The following PRDM16 variants were observed in gnomAD, a reference collection of about 807,000 sequenced individuals.
PRDM16 encodes PR/SET domain 16, also known as histone-lysine N-methyltransferase PRDM16.
PRDM16 carries 23 observed loss-of-function variants against 110.6 expected under a neutral mutation model. The observed-to-expected ratio is 0.21, with a 90% CI of 0.15 to 0.29. The LOEUF (loss-of-function observed/expected upper bound fraction) is 0.29. Among genes scored for constraint, PRDM16 ranks in the 10% least tolerant of loss-of-function variants. The pLI, the probability that PRDM16 is intolerant of heterozygous loss-of-function variation, is 1.00. For missense variants in PRDM16, 1,615 were observed against 1,794.3 expected, an observed-to-expected ratio of 0.90 and a Z score of 1.81; for synonymous variants, 799 against 781.8, an observed-to-expected ratio of 1.02 and a Z score of -0.37.
chr1:3,125,036 C>T (rs960203942), intron 1 of PRDM16, among the ~76,000 whole-genome samples: 2 of 152,252 alleles, frequency 1.3e-5, no homozygotes, highest in African/African-American at 2.4e-5. Context: ...GGGCTCTTTG[C>T]ATGTCTCTGG....
intron 16 of PRDM16, among the ~76,000 whole-genome samples, chr1:3,432,452 C>T (rs892971003): frequency 2.0e-5 from 3 of 152,202 alleles, no homozygotes; most frequent in Admixed American, 6.5e-5. Context: ...GCCCGCCCAG[C>T]CGCCTTCGTC....
In PRDM16 at chr1:3,284,975, C is replaced by T. The variant is rs115433762; in HGVS notation, c.438+40838C>T. Reference sequence around the variant, plus strand: ...TGACCTGCTCCCCTCTGGGCCCGGGCTTTCGGAGGCGAATGTTGGTAGGTT... The same window carrying T: ...TGACCTGCTCCCCTCTGGGCCCGGGTTTTCGGAGGCGAATGTTGGTAGGTT... On this transcript the variant is annotated intron_variant, in intron 3 of 16. Coordinates refer to ENST00000270722, the MANE Select transcript of PRDM16 (RefSeq NM_022114.4). Among the ~76,000 whole-genome samples the T allele has an allele frequency of 7.3e-3, 1,107 of 152,346 alleles. 14 individuals are homozygous for T. The highest frequency in any genetic ancestry group is 0.025 in the African/African-American group (1,029 of 41,580).
chr1:3,310,935 T>C (rs1641439968), intron 3 of PRDM16, among the ~76,000 whole-genome samples: 2 of 151,800 alleles, frequency 1.3e-5, no homozygotes, highest in South Asian at 2.1e-4. Context: ...CATGTGAGTG[T>C]GCGTGTGTGT....
intron 3 of PRDM16, among the ~76,000 whole-genome samples, chr1:3,341,573 GCACA>G (rs1196312839): frequency 6.6e-6 from 1 of 152,174 alleles, no homozygotes; most frequent in Non-Finnish European, 1.5e-5. Context: ...ACACGCGTGC[GCACA>G]CACACAGAGG....
At chr1:3,268,196 GC>G (rs1445963547) in intron 3 of PRDM16, among the ~76,000 whole-genome samples, 2 of 152,208 alleles carry the variant, frequency 1.3e-5, no homozygotes, top group Non-Finnish European at 2.9e-5. Context: ...GGTTGCAGTC[GC>G]CCCCGGCTCG....
At chr1:3,356,272 C>CT (rs1405907323) in intron 3 of PRDM16, among the ~76,000 whole-genome samples, 6 of 152,170 alleles carry the variant, frequency 3.9e-5, no homozygotes, top group Non-Finnish European at 8.8e-5. Flanking sequence ...CCCCCCCAGC[C>CT]CCCCTGCGCC....
At chr1:3,116,563 G>A (rs1642964890) in intron 1 of PRDM16, among the ~76,000 whole-genome samples, 1 of 152,166 alleles carries the variant, frequency 6.6e-6, no homozygotes, top group South Asian at 2.1e-4. Flanking sequence ...GCAGTGCCTG[G>A]TCTGCTCAGC....
chr1:3,264,295 G>C (rs916978811), intron 3 of PRDM16, among the ~76,000 whole-genome samples: 4 of 152,178 alleles, frequency 2.6e-5, no homozygotes, highest in Admixed American at 1.3e-4. Context: ...AGCCTTCCAG[G>C]TGGAGGGAGC....
intron 3 of PRDM16, among the ~76,000 whole-genome samples, chr1:3,332,553 AT>A (rs911613112): frequency 8.2e-4 from 122 of 148,042 alleles, no homozygotes; most frequent in African/African-American, 2.9e-3. Flanking sequence ...TCAAGGGTTG[AT>A]TTTTTTTTTA....
intron 2 of PRDM16, among the ~76,000 whole-genome samples, chr1:3,199,669 C>A (rs1221665841): frequency 6.6e-6 from 1 of 152,178 alleles, no homozygotes; most frequent in Non-Finnish European, 1.5e-5. Context: ...CTCTGATGAG[C>A]CTCTCTAGTG....
chr1:3,399,131 G>A (rs1643429137), intron 5 of PRDM16, among the ~76,000 whole-genome samples: 1 of 152,224 alleles, frequency 6.6e-6, no homozygotes. Context: ...TCTTTCGTGA[G>A]AACTTTTTGC....
At chr1:3,324,295 G>T (rs1010923024) in intron 3 of PRDM16, among the ~76,000 whole-genome samples, 1 of 152,090 alleles carries the variant, frequency 6.6e-6, no homozygotes, top group African/African-American at 2.4e-5. Context: ...AGCCTGCCGG[G>T]CTCACTCTCC....
At chr1:3,430,755 G>A (rs1237557584) in intron 14 of PRDM16, 117 bp from the exon 15 acceptor site, 1 of 1,249,120 alleles carries the variant, frequency 8.0e-7, no homozygotes, top group Non-Finnish European at 1.1e-6. Flanking sequence ...CCTCAGGAAG[G>A]GGGCTGAGTG....
chr1:3,417,115 C>G (rs1239379764), intron 10 of PRDM16, among the ~76,000 whole-genome samples: 1 of 152,248 alleles, frequency 6.6e-6, no homozygotes, highest in Non-Finnish European at 1.5e-5. Flanking sequence ...TTCCACTCTC[C>G]TAATCGAGCA....
Position 3,350,383 on chromosome 1 carries a change from C to G in PRDM16, c.439-34769C>G, listed in dbSNP as rs1261846165. ...AGGGGAGGCGGCTCTCTACCTCCAA[C>G]CTGGGCACCCTTGAAGCCACCCCCT... On this transcript the variant is annotated intron_variant, in intron 3 of 16. Coordinates refer to ENST00000270722, the MANE Select transcript of PRDM16 (RefSeq NM_022114.4). The surrounding 1 kb of genome is among the most constrained non-coding windows in gnomAD (Gnocchi z 7.1). Among the ~76,000 whole-genome samples the G allele has an allele frequency of 6.6e-6, 1 of 152,144 alleles. No individual in the cohort carries two copies. Among genetic ancestry groups the G allele is most frequent in the East Asian group, 1.9e-4 (1 of 5,172 alleles).
At chr1:3,346,847 A>G (rs1337149768) in intron 3 of PRDM16, among the ~76,000 whole-genome samples, 1 of 152,164 alleles carries the variant, frequency 6.6e-6, no homozygotes, top group Admixed American at 6.5e-5. Flanking sequence ...ATGAGTGACC[A>G]TGCAACCAAG....
At chr1:3,289,583 A>T (rs1056735948) in intron 3 of PRDM16, among the ~76,000 whole-genome samples, 6 of 152,178 alleles carry the variant, frequency 3.9e-5, no homozygotes, top group African/African-American at 1.4e-4. Context: ...CAGCAGGAGG[A>T]GACAGACACA....
At chr1:3,405,787 T>C in intron 8 of PRDM16, 139 bp downstream of exon 8, 1 of 832,662 alleles carries the variant, frequency 1.2e-6, no homozygotes, top group Non-Finnish European at 1.8e-6. Flanking sequence ...TGGCAGGTTC[T>C]GACATCTCTG....
chr1:3,316,431 A>C (rs1641602824), intron 3 of PRDM16, among the ~76,000 whole-genome samples: 2 of 152,232 alleles, frequency 1.3e-5, no homozygotes, highest in Non-Finnish European at 2.9e-5. Flanking sequence ...ATGGGCACTT[A>C]TGAAGTGCCA....
Sources: gnomAD v4.1 joint callset for allele counts (sites outside exome capture counted in the v4.1 genomes callset) on GRCh38, gnomAD v4.1.1 for gene constraint, Gnocchi (gnomAD v3.1) non-coding constraint, MANE v1.5 for transcripts, NCBI Gene and HGNC (gene_info 2026-07-23, HGNC 2026-07-21) for gene names.